The following HERC2 variants were observed in gnomAD, a reference collection of about 807,000 sequenced individuals.
The protein encoded by HERC2 is E3 ubiquitin-protein ligase HERC2.
HERC2 carries 102 observed loss-of-function variants against 537.7 expected under a neutral mutation model. The ratio of observed to expected loss-of-function variants is 0.19; its 90% CI spans 0.16 to 0.22. The LOEUF (loss-of-function observed/expected upper bound fraction) is 0.22. Ranked by LOEUF, HERC2 falls within the 10% of genes least tolerant of loss-of-function variation. The pLI, the probability that HERC2 is intolerant of heterozygous loss-of-function variation, is 1.00. For synonymous variants in HERC2, 2,224 were observed against 2,466.2 expected, an observed-to-expected ratio of 0.90 and a Z score of 2.91; for missense variants, 4,236 against 6,198.2, an observed-to-expected ratio of 0.68 and a Z score of 10.63.
At chr15:28,134,992 G>A (rs544699159) in intron 79 of HERC2, among the ~76,000 whole-genome samples, 10 of 152,182 alleles carry the variant, frequency 6.6e-5, no homozygotes, top group African/African-American at 2.4e-4. Context: ...TATTTTATAT[G>A]GTGGTTTAGT....
At chr15:28,295,285 C>T (rs2076431707) in intron 3 of HERC2, among the ~76,000 whole-genome samples, 2 of 115,544 alleles carry the variant, frequency 1.7e-5, no homozygotes, top group African/African-American at 3.5e-5. Context: ...CTTCTAAAGG[C>T]CAGACTCTGT....
chr15:28,313,270 C>T (rs1183238434), intron 2 of HERC2, among the ~76,000 whole-genome samples: 8 of 151,556 alleles, frequency 5.3e-5, no homozygotes, highest in Non-Finnish European at 7.4e-5. Flanking sequence ...CTTGGCTCCC[C>T]GGGTTCATGC....
At chr15:28,114,284 G>A (rs1042123362) in intron 90 of HERC2, among the ~76,000 whole-genome samples, 1 of 152,190 alleles carries the variant, frequency 6.6e-6, no homozygotes, top group Non-Finnish European at 1.5e-5. Context: ...AGCCTGGAGG[G>A]GGTTGAGACA....
At chr15:28,254,271 G>GAA in intron 20 of HERC2, 69 bp downstream of exon 20, 1 of 1,151,606 alleles carries the variant, frequency 8.7e-7, no homozygotes, top group Non-Finnish European at 1.2e-6. Context: ...CAACAAGAGC[G>GAA]AACTCTGTCA....
At chr15:28,173,556 T>C (rs1023868983) in intron 65 of HERC2, among the ~76,000 whole-genome samples, 8 of 152,000 alleles carry the variant, frequency 5.3e-5, no homozygotes, top group African/African-American at 9.7e-5. Context: ...CCCAGCACTT[T>C]GGGAGGCCAA....
At position 28,135,671 on chromosome 15, in the gene HERC2, C is replaced by T. The variant is rs772405091; in HGVS notation, c.12037G>A (p.Ala4013Thr). 30 of 1,613,474 alleles carry T rather than the reference C, an allele frequency of 1.9e-5. No individual in the cohort carries two copies. The highest frequency in any genetic ancestry group is 2.3e-5 in the Non-Finnish European group (27 of 1,179,620). ...DGKLYATGYG[A>T]GGRLGIGGTE... ...CCTCCAATGCCTAGTCTGCCACCTGCACCATACCCAGTGGCATACAGCTAA... is the reference window on the plus strand; with the variant it reads ...CCTCCAATGCCTAGTCTGCCACCTGTACCATACCCAGTGGCATACAGCTAA... The change falls in exon 79 of 93, where the codon GCA becomes ACA. Residue 4013 changes from alanine to threonine, a missense_variant. This residue lies in a region of HERC2 where 43 missense variants were observed against 82.6 expected (regional missense o/e 0.52). Transcript: ENST00000261609.
In HERC2 at chr15:28,265,467, G is replaced by T; in HGVS notation, c.1870+151C>A. On this transcript the variant is annotated intron_variant, in intron 14 of 92. Coordinates refer to ENST00000261609, the MANE Select transcript of HERC2 (RefSeq NM_004667.6). This position sits in a 1 kb window ranked among gnomAD's most constrained non-coding sequence, Gnocchi z 4.0. ...AGGCAAACAAGCCCAGTAACCACCC[G>T]GGCCTCTTCCCCAATGCCACTGAGC... The T allele has an allele frequency of 1.6e-6, 1 of 631,110 alleles. No homozygotes were observed. The highest frequency in any genetic ancestry group is 2.8e-6 in the Non-Finnish European group (1 of 358,150). The allele number at this position is 631,110 out of a possible 1,614,324, so 39.1% of individuals were successfully genotyped here. A position where few individuals can be genotyped will look rare whatever the true frequency, so the allele number is the denominator to read the frequency against.
At chr15:28,290,601 C>T (rs2076285268) in intron 4 of HERC2, among the ~76,000 whole-genome samples, 1 of 152,194 alleles carries the variant, frequency 6.6e-6, no homozygotes. Context: ...CAAGCCTCAA[C>T]ATTGAAATCA....
At chr15:28,162,548 TAAAGAACTTTG>T (rs1893710314) in intron 69 of HERC2, among the ~76,000 whole-genome samples, 1 of 152,114 alleles carries the variant, frequency 6.6e-6, no homozygotes, top group South Asian at 2.1e-4. Context: ...AAAAGGGACT[TAAAGAACTTTG>T]ACAAATCATT....
At chr15:28,309,099 G>A (rs1352953072) in intron 2 of HERC2, among the ~76,000 whole-genome samples, 10 of 152,302 alleles carry the variant, frequency 6.6e-5, no homozygotes, top group African/African-American at 1.7e-4. Flanking sequence ...CCTTGAGGAC[G>A]ATCCATGTGC....
chr15:28,316,764 T>C (rs1427108348), intron 2 of HERC2, among the ~76,000 whole-genome samples: 1 of 152,194 alleles, frequency 6.6e-6, no homozygotes, highest in East Asian at 1.9e-4. Flanking sequence ...TGTTTATACT[T>C]TTTTTATCTA....
At chr15:28,285,649 A>T (rs2076136621) in intron 4 of HERC2, among the ~76,000 whole-genome samples, 2 of 151,944 alleles carry the variant, frequency 1.3e-5, no homozygotes, top group South Asian at 2.1e-4. Context: ...GAAAAAAAAA[A>T]TAGCAAAATC....
rs540366800 is a variant in HERC2 at position 28,220,709 on chromosome 15, C to A, written c.5653-65G>T. Reference sequence around the variant, plus strand: ...AACCTGCCCTGGTCCTTCCATGGCTCCCAGCAGACCTCAGTTAGGAGGGTG... The same window carrying A: ...AACCTGCCCTGGTCCTTCCATGGCTACCAGCAGACCTCAGTTAGGAGGGTG... On this transcript the variant is annotated intron_variant, in intron 36 of 92. Transcript: ENST00000261609. The A allele has an allele frequency of 2.4e-4, 319 of 1,332,594 alleles. 3 individuals are homozygous for A. The African/African-American group carries it at 3.8e-3, about 16-fold the overall frequency. 82.5% of individuals were successfully genotyped at this position (1,332,594 alleles called of 1,614,324 possible).
intron 89 of HERC2, 27 bp downstream of exon 89, chr15:28,115,402 G>A (rs966074727): frequency 1.3e-6 from 2 of 1,522,440 alleles, no homozygotes; most frequent in South Asian, 2.3e-5. Context: ...GACCCTAGAG[G>A]CCCCGCCTGC....
chr15:28,274,804 A>G (rs1211063853), intron 6 of HERC2, 101 bp downstream of exon 6: 2 of 876,390 alleles, frequency 2.3e-6, no homozygotes, highest in Non-Finnish European at 1.9e-6. Flanking sequence ...CAGAGAGCAC[A>G]TGGGATCAGC....
chr15:28,296,689 TA>T (rs4035974), intron 3 of HERC2, among the ~76,000 whole-genome samples: 106,675 of 115,318 alleles, frequency 0.93, 49,292 homozygotes, highest in Non-Finnish European at 0.96. Context: ...TACTGATACA[TA>T]AAAAAAAAAA....
chr15:28,257,439 C>T (rs1349678163), intron 16 of HERC2, among the ~76,000 whole-genome samples, 178 bp from the exon 17 acceptor site: 1 of 141,238 alleles, frequency 7.1e-6, no homozygotes, highest in East Asian at 2.2e-4. Context: ...TTCCGATTTT[C>T]CCACCCATTT....
intron 35 of HERC2, among the ~76,000 whole-genome samples, chr15:28,223,618 G>A (rs1287602116): frequency 2.0e-5 from 3 of 152,164 alleles, no homozygotes; most frequent in Non-Finnish European, 2.9e-5. Flanking sequence ...AAGACTGAAT[G>A]TATTGCTAAG....
In HERC2 at chr15:28,116,704, C is replaced by A. The variant is rs144844826; in HGVS notation, c.13570G>T (p.Ala4524Ser). ...ATGCTGCTGTGCACGGGTGCTCTGG[C>A]GGCCGGGCTGAGCAGGTAGCAGTCT... ...NRDCYLLSPA[A>S]RAPVHSSMFR... Residue 4524 changes from alanine (A) to serine (S), a missense_variant, in exon 88 of 93, where the codon GCC (alanine) becomes TCC (serine). Ala to Ser is a moderately conservative substitution (Grantham distance 99). Transcript: ENST00000261609. The A allele has an allele frequency of 1.2e-6, 2 of 1,613,290 alleles. No individual in the cohort carries two copies. The highest frequency in any genetic ancestry group is 1.7e-4 in the Middle Eastern group (1 of 6,018).
Sources: gnomAD v4.1 joint callset for allele counts (sites outside exome capture counted in the v4.1 genomes callset) on GRCh38, gnomAD v4.1.1 for gene constraint, gnomAD v4.1.1 regional missense constraint, Gnocchi (gnomAD v3.1) non-coding constraint, MANE v1.5 for transcripts, NCBI Gene and HGNC (gene_info 2026-07-23, HGNC 2026-07-21) for gene names.